The following FXR1 variants were observed in gnomAD, a reference collection of about 807,000 sequenced individuals.
FXR1 encodes the protein FMR1 autosomal homolog 1.
FXR1 carries 15 observed loss-of-function variants against 84.0 expected under a neutral mutation model. That is an observed-to-expected ratio of 0.18 (90% confidence interval 0.12 to 0.27). The LOEUF is 0.27. Among genes scored for constraint, FXR1 ranks in the 10% least tolerant of loss-of-function variants. FXR1 has a pLI of 1.00. For missense variants in FXR1, 480 were observed against 774.4 expected (o/e 0.62, Z 4.51); for synonymous variants, 245 against 250.7 (o/e 0.98, Z 0.21).
chr3:180,937,019 A>G (rs10490806), intron 3 of FXR1, among the ~76,000 whole-genome samples: 26,059 of 152,096 alleles, frequency 0.17, 2,472 homozygotes, highest in South Asian at 0.25. Flanking sequence ...TGGGTGCTAT[A>G]TATGGCAGTG....
chr3:180,935,159 T>C lies in FXR1; in HGVS notation c.126T>C (p.Val42=). Residue 42 remains valine, a synonymous_variant, in exon 3 of 17, where the codon GTT becomes GTC. Transcript: ENST00000357559. ...FENNWQPERQ[V]PFNEVRLPPP... is the part of the protein sequence containing the mutation. ...TCAGTTGGCAACCAGAACGCCAGGT[T>C]CCATTTAATGAAGTTAGATTACCAC... The C allele has an allele frequency of 1.3e-6, 2 of 1,581,634 alleles. No individual in the cohort carries two copies. Among genetic ancestry groups the C allele is most frequent in the South Asian group, 1.1e-5 (1 of 90,096 alleles).
chr3:180,956,062 A>G (rs1576974016), intron 9 of FXR1, among the ~76,000 whole-genome samples: 1 of 152,336 alleles, frequency 6.6e-6, no homozygotes, highest in East Asian at 1.9e-4. Flanking sequence ...TTTGAATAAT[A>G]GTACATTCTT....
At chr3:180,939,637 A>G (rs1294091555) in intron 3 of FXR1, among the ~76,000 whole-genome samples, 1 of 152,192 alleles carries the variant, frequency 6.6e-6, no homozygotes, top group Non-Finnish European at 1.5e-5. Context: ...CAGAGTCACA[A>G]AACGGTTTGT....
intron 9 of FXR1, among the ~76,000 whole-genome samples, chr3:180,957,237 C>T (rs944662847): frequency 6.6e-6 from 1 of 152,072 alleles, no homozygotes; most frequent in African/African-American, 2.4e-5. Context: ...TATTTTATAC[C>T]TAGCAAGACA....
At chr3:180,958,686 A>G (rs1174892540) in intron 10 of FXR1, among the ~76,000 whole-genome samples, 2 of 152,144 alleles carry the variant, frequency 1.3e-5, no homozygotes, top group East Asian at 1.9e-4. Context: ...AACTGTGCTG[A>G]CAAAGGAATT....
chr3:180,933,512 T>G (rs1720179508), intron 2 of FXR1, 126 bp downstream of exon 2: 2 of 678,172 alleles, frequency 2.9e-6, no homozygotes, highest in East Asian at 5.3e-5. Flanking sequence ...GGTTTGGTTG[T>G]TTGATCATAA....
intron 16 of FXR1, 37 bp downstream of exon 16, chr3:180,975,441 TA>T: frequency 1.3e-6 from 1 of 787,226 alleles, no homozygotes; most frequent in Non-Finnish European, 2.1e-6. Flanking sequence ...TTTTTTTTTT[TA>T]ATTTTTGGTA....
rs976559666 is a variant in FXR1 at position 180,981,643 on chromosome 3, T to A, written c.*5351T>A. ...ATAGGAATTCCCCACAAACTTCTAA[T>A]GAGGACTAATATGAACAGCAAATTG... is the stretch of plus-strand genomic sequence containing the variant. On this transcript the variant is annotated 3_prime_UTR_variant, in exon 17 of 17. Coordinates refer to ENST00000357559, the MANE Select transcript of FXR1 (RefSeq NM_005087.4). 6.6e-6 allele frequency: 1 copy of A among 152,042 alleles called. No homozygotes were observed. Among genetic ancestry groups the A allele is most frequent in the Non-Finnish European group, 1.5e-5 (1 of 67,954 alleles). The allele number at this position is 152,042 out of a possible 1,614,324, so 9.4% of individuals were successfully genotyped here. A position where few individuals can be genotyped will look rare whatever the true frequency, so the allele number is the denominator to read the frequency against.
In FXR1 at chr3:180,976,487, TATATC is replaced by T. The variant is rs1287648952; in HGVS notation, c.*198_*202del. The T allele has an allele frequency of 2.5e-6, 1 of 405,980 alleles. No homozygotes were observed. Among genetic ancestry groups the T allele is most frequent in the Non-Finnish European group, 4.4e-6 (1 of 224,864 alleles). The allele number at this position is 405,980 out of a possible 1,614,324, so 25.1% of individuals were successfully genotyped here. ...CTTTGACACCTACTGTGTTATAAAA[TATATC>T]ATCAGATGTGCCTTGAGAATAGTAT... On this transcript the variant is annotated 3_prime_UTR_variant, in exon 17 of 17. Transcript: ENST00000357559.
rs1714309690 is a variant in FXR1 at position 180,977,074 on chromosome 3, CCTTTTTTTTTTT to C, written c.*783_*794del. The C allele has an allele frequency of 6.9e-6, 1 of 144,964 alleles. No individual in the cohort carries two copies. Among genetic ancestry groups the C allele is most frequent in the Non-Finnish European group, 1.5e-5 (1 of 66,118 alleles). The allele number at this position is 144,964 out of a possible 1,614,324, so 9.0% of individuals were successfully genotyped here. ...CTTCAGTAGAGTATCTTTTTTTTTT[CCTTTTTTTTTTT>C]TTTATTTCGGTTGTTTGATGTGCAA... On this transcript the variant is annotated 3_prime_UTR_variant, in exon 17 of 17. Transcript: ENST00000357559.
chr3:180,953,944 TTA>T (rs1181103550), intron 9 of FXR1, 104 bp downstream of exon 9: 7 of 645,252 alleles, frequency 1.1e-5, no homozygotes, highest in Non-Finnish European at 1.6e-5. Context: ...CTTATTCCAG[TTA>T]TGTGTAGATT....
chr3:180,915,625 T>C (rs1454641005), intron 1 of FXR1: 2 of 741,634 alleles, frequency 2.7e-6, no homozygotes, highest in East Asian at 5.3e-5. Context: ...GGTTTTTCAA[T>C]GTACAGGTGA....
rs924294018 is a variant in FXR1, at chr3:180,978,068, A to C, written c.*1776A>C. The C allele has an allele frequency of 6.6e-6, 1 of 152,050 alleles. No homozygotes were observed. The highest frequency in any genetic ancestry group is 1.5e-5 in the Non-Finnish European group (1 of 67,970). 9.4% of individuals were successfully genotyped at this position (152,050 alleles called of 1,614,324 possible). On this transcript the variant is annotated 3_prime_UTR_variant, in exon 17 of 17. Transcript: ENST00000357559. ...AATTACCCACAAATGTGTTTTTTTAAATCGATCAAAGCTAGCAACAGGTTA... is the reference window on the plus strand; with the variant it reads ...AATTACCCACAAATGTGTTTTTTTACATCGATCAAAGCTAGCAACAGGTTA...
At chr3:180,951,501 TG>T in intron 8 of FXR1, 33 bp downstream of exon 8, 1 of 1,411,500 alleles carries the variant, frequency 7.1e-7, no homozygotes, top group Non-Finnish European at 9.8e-7. Flanking sequence ...TGGCCTTTAG[TG>T]TATTAACCAT....
Position 180,970,307 on chromosome 3 carries a change from A to G in FXR1, c.1552A>G (p.Met518Val). ...RRRTDEDAVL[M>V]DGMTESDTAS... ...AAGGACTGATGAAGATGCTGTTCTG[A>G]TGGATGGAATGACTGAATCTGATAC... is the stretch of plus-strand genomic sequence containing the variant. Residue 518 changes from methionine to valine, a missense_variant, in exon 15 of 17, where the codon ATG (methionine) becomes GTG (valine). Physicochemically the swap from Met to Val is conservative, Grantham distance 21. This residue lies in a region of FXR1 where 157 missense variants were observed against 227.8 expected (regional missense o/e 0.69). Transcript: ENST00000357559. 6.2e-7 allele frequency: 1 copy of G among 1,604,340 alleles called. No homozygotes were observed. Among genetic ancestry groups the G allele is most frequent in the Non-Finnish European group, 8.5e-7 (1 of 1,173,846 alleles).
At chr3:180,943,806 A>G (rs908366039) in intron 3 of FXR1, among the ~76,000 whole-genome samples, 3 of 152,200 alleles carry the variant, frequency 2.0e-5, no homozygotes, top group Admixed American at 2.0e-4. Context: ...GGTAGTTTTA[A>G]GACATAACAT....
intron 3 of FXR1, among the ~76,000 whole-genome samples, chr3:180,947,574 T>G (rs1217054321): frequency 6.6e-6 from 1 of 152,208 alleles, no homozygotes; most frequent in Non-Finnish European, 1.5e-5. Context: ...TTTTACATTA[T>G]TTAAAACTCC....
chr3:180,914,562 T>C (rs1717655045), intron 1 of FXR1: 1 of 154,526 alleles, frequency 6.5e-6, no homozygotes. Context: ...ATGCAAGATA[T>C]TTTTTCCTTT....
At chr3:180,963,294 C>G (rs1712378640) in intron 13 of FXR1, among the ~76,000 whole-genome samples, 1 of 151,866 alleles carries the variant, frequency 6.6e-6, no homozygotes, top group Non-Finnish European at 1.5e-5. Context: ...AATTTCCAAG[C>G]AGTTATGTAA....
Sources: allele counts gnomAD v4.1 joint callset (sites outside exome capture counted in the v4.1 genomes callset), GRCh38; gene constraint gnomAD v4.1.1; regional missense constraint gnomAD v4.1.1; transcripts MANE v1.5; gene names NCBI Gene and HGNC (gene_info 2026-07-23, HGNC 2026-07-21).